The following SPATA13 variants were observed in gnomAD, a reference collection of about 807,000 sequenced individuals.
SPATA13 encodes the protein spermatogenesis-associated protein 13.
SPATA13 carries 50 observed loss-of-function variants against 104.0 expected under a neutral mutation model. The ratio of observed to expected loss-of-function variants is 0.48; its 90% CI spans 0.38 to 0.61. The LOEUF is 0.61. SPATA13 is among the 20% of genes least tolerant of loss of function. SPATA13 has a pLI of 0.00. For missense variants in SPATA13, 1,524 were observed against 1,690.6 expected (o/e 0.90, Z 1.73); for synonymous variants, 606 against 667.5 (o/e 0.91, Z 1.42).
chr13:24,250,469 T>C (rs1195619043), intron 3 of SPATA13, among the ~76,000 whole-genome samples: 2 of 152,198 alleles, frequency 1.3e-5, no homozygotes, highest in African/African-American at 4.8e-5. Flanking sequence ...TGGAGAAGTG[T>C]ATACTTATTT....
chr13:24,042,418 T>C (rs1877967157), intron 3 of SPATA13, among the ~76,000 whole-genome samples: 1 of 147,444 alleles, frequency 6.8e-6, no homozygotes, highest in Admixed American at 6.9e-5. Flanking sequence ...TCTGAGATGT[T>C]GCGTGTTCAC....
chr13:24,040,671 G>A (rs979099595), intron 3 of SPATA13, among the ~76,000 whole-genome samples: 5 of 152,132 alleles, frequency 3.3e-5, no homozygotes, highest in African/African-American at 1.2e-4. Flanking sequence ...GACTTGAGGA[G>A]AATCCAACTA....
At chr13:24,291,018 C>A (rs1477792702) in intron 9 of SPATA13, 134 bp downstream of exon 9, 2 of 691,702 alleles carry the variant, frequency 2.9e-6, no homozygotes, top group African/African-American at 1.8e-5. Flanking sequence ...GAGAAGTTTT[C>A]AGGTTGTTTA....
chr13:24,118,937 G>A (rs1880943815), intron 3 of SPATA13, among the ~76,000 whole-genome samples: 1 of 143,766 alleles, frequency 7.0e-6, no homozygotes, highest in South Asian at 2.3e-4. Context: ...ATGGAGTCTT[G>A]TTCTGTTGCC....
intron 3 of SPATA13, among the ~76,000 whole-genome samples, chr13:24,143,144 G>A (rs1268447553): frequency 6.6e-6 from 1 of 152,240 alleles, no homozygotes; most frequent in East Asian, 1.9e-4. Flanking sequence ...ACCACTGGGT[G>A]AGGGTGCTCC....
intron 3 of SPATA13, among the ~76,000 whole-genome samples, chr13:24,084,879 A>G (rs1307739254): frequency 6.6e-6 from 1 of 152,174 alleles, no homozygotes; most frequent in Non-Finnish European, 1.5e-5. Context: ...ATAACTATGT[A>G]TATATATTTA....
chr13:24,273,631 A>G (rs1489491652), intron 4 of SPATA13, among the ~76,000 whole-genome samples: 31 of 152,236 alleles, frequency 2.0e-4, no homozygotes. Flanking sequence ...CATAGCTAGG[A>G]TAAGAGTAGG....
chr13:24,220,067 C>T (rs766889513), intron 1 of SPATA13, among the ~76,000 whole-genome samples: 1 of 152,086 alleles, frequency 6.6e-6, no homozygotes, highest in East Asian at 1.9e-4. Context: ...CTAGAATGAG[C>T]GATTACCTTA....
chr13:24,270,667 G>A (rs1399630065), intron 4 of SPATA13: 8 of 1,344,708 alleles, frequency 5.9e-6, no homozygotes, highest in East Asian at 5.0e-5. Context: ...TTGGTCACAC[G>A]GAGTGTGGAG....
At chr13:24,140,114 T>G (rs1881712191) in intron 3 of SPATA13, among the ~76,000 whole-genome samples, 1 of 151,906 alleles carries the variant, frequency 6.6e-6, no homozygotes, top group African/African-American at 2.4e-5. Flanking sequence ...TATACCCATC[T>G]CTAAGGCTCC....
chr13:24,281,900 T>G (rs1345361646), intron 4 of SPATA13, among the ~76,000 whole-genome samples: 2 of 152,192 alleles, frequency 1.3e-5, no homozygotes, highest in South Asian at 4.1e-4. Context: ...GCATCACCAG[T>G]GCATGAGCTT....
At chr13:24,181,483 C>CT (rs199983720) in intron 1 of SPATA13, among the ~76,000 whole-genome samples, 3 of 151,970 alleles carry the variant, frequency 2.0e-5, no homozygotes, top group African/African-American at 4.8e-5. Flanking sequence ...ATTCCATAAT[C>CT]TTTTTTTTAT....
intron 1 of SPATA13, among the ~76,000 whole-genome samples, chr13:24,202,422 G>A (rs942753502): frequency 4.4e-4 from 67 of 151,866 alleles, no homozygotes; most frequent in African/African-American, 1.4e-3. Flanking sequence ...GGAACGGCCC[G>A]TTCCTGAGCC....
intron 1 of SPATA13, among the ~76,000 whole-genome samples, chr13:24,174,004 T>C (rs750124837): frequency 2.6e-5 from 4 of 152,230 alleles, no homozygotes; most frequent in Non-Finnish European, 5.9e-5. Flanking sequence ...ATGTTCCTCT[T>C]TCATTTCCCG....
chr13:24,194,962 A>G (rs2138558599), intron 1 of SPATA13, among the ~76,000 whole-genome samples: 1 of 152,336 alleles, frequency 6.6e-6, no homozygotes, highest in East Asian at 1.9e-4. Context: ...TTAAGATACA[A>G]TTTAAATACC....
intron 3 of SPATA13, among the ~76,000 whole-genome samples, chr13:24,040,844 G>A (rs1877897099): frequency 6.6e-6 from 1 of 152,122 alleles, no homozygotes; most frequent in Non-Finnish European, 1.5e-5. Flanking sequence ...AGTTTTTGAG[G>A]ATACAGATTG....
chr13:24,305,544 T>A lies in SPATA13; in HGVS notation c.*2771T>A, dbSNP rs2138790598. The A allele has an allele frequency of 6.6e-6, 1 of 152,352 alleles. No individual in the cohort carries two copies. The highest frequency in any genetic ancestry group is 1.9e-4 in the East Asian group (1 of 5,184). 9.4% of individuals were successfully genotyped at this position (152,352 alleles called of 1,614,324 possible). A position where few individuals can be genotyped will look rare whatever the true frequency, so the allele number is the denominator to read the frequency against. ...TATTCTCATCTTCCATTTGCCAAAC[T>A]TCCTTCCTGATTTGAGTCACGTGTT... is the stretch of plus-strand genomic sequence containing the variant. On this transcript the variant is annotated 3_prime_UTR_variant, in exon 13 of 13. Coordinates refer to ENST00000382108, the MANE Select transcript of SPATA13 (RefSeq NM_001166271.3).
At chr13:24,281,850 A>C (rs1174649496) in intron 4 of SPATA13, among the ~76,000 whole-genome samples, 1 of 152,074 alleles carries the variant, frequency 6.6e-6, no homozygotes, top group African/African-American at 2.4e-5. Context: ...GCACGTGCAC[A>C]CCTTCCTGCT....
At chr13:24,229,708 A>G (rs1872153836) in intron 2 of SPATA13, among the ~76,000 whole-genome samples, 1 of 152,274 alleles carries the variant, frequency 6.6e-6, no homozygotes, top group Non-Finnish European at 1.5e-5. Context: ...CTACTTAAAA[A>G]AAAAGCATAA....
Sources: gnomAD v4.1 joint callset for allele counts (sites outside exome capture counted in the v4.1 genomes callset) on GRCh38, gnomAD v4.1.1 for gene constraint, MANE v1.5 for transcripts, NCBI Gene and HGNC (gene_info 2026-07-23, HGNC 2026-07-21) for gene names.